The following NEDD4L variants were observed in gnomAD, a reference collection of about 807,000 sequenced individuals.
NEDD4L encodes NEDD4 like E3 ubiquitin protein ligase.
A neutral mutation model predicts 148.9 loss-of-function variants in NEDD4L; 54 were observed. The observed-to-expected ratio is 0.36, with a 90% CI of 0.29 to 0.45. The LOEUF (loss-of-function observed/expected upper bound fraction) is 0.45, where lower values mean the gene tolerates loss of function less well. NEDD4L is among the 20% of genes least tolerant of loss of function. The pLI, the probability that NEDD4L is intolerant of heterozygous loss-of-function variation, is 1.00. For synonymous variants in NEDD4L, 433 were observed against 440.7 expected (o/e 0.98, Z 0.22); for missense variants, 856 against 1,233.8 (o/e 0.69, Z 4.59).
At chr18:58,201,071 G>A (rs532070483) in intron 2 of NEDD4L, among the ~76,000 whole-genome samples, 4 of 152,282 alleles carry the variant, frequency 2.6e-5, no homozygotes, top group African/African-American at 9.6e-5. Context: ...ATTGGCTCAC[G>A]CCTGTAATCC....
chr18:58,293,440 T>C (rs1373718315), intron 5 of NEDD4L, among the ~76,000 whole-genome samples: 3 of 152,220 alleles, frequency 2.0e-5, no homozygotes, highest in African/African-American at 7.2e-5. Context: ...AGACATCAGC[T>C]GTTGGATATG....
chr18:58,170,217 A>T (rs2037396660), intron 2 of NEDD4L, among the ~76,000 whole-genome samples: 1 of 152,150 alleles, frequency 6.6e-6, no homozygotes, highest in South Asian at 2.1e-4. Flanking sequence ...GCATCTGCTC[A>T]CATCCTTTCT....
chr18:58,099,458 G>A (rs2084625430), intron 1 of NEDD4L, among the ~76,000 whole-genome samples: 1 of 152,130 alleles, frequency 6.6e-6, no homozygotes, highest in Non-Finnish European at 1.5e-5. Flanking sequence ...GGGAAAATAG[G>A]CAGGTTTGGG....
chr18:58,111,183 T>C (rs1307805913), intron 1 of NEDD4L, among the ~76,000 whole-genome samples: 2 of 152,312 alleles, frequency 1.3e-5, no homozygotes, highest in Middle Eastern at 3.4e-3. Context: ...TTCTCCTGGC[T>C]CAGCCTCCCA....
intron 5 of NEDD4L, among the ~76,000 whole-genome samples, chr18:58,276,769 A>T (rs898944880): frequency 6.6e-6 from 1 of 151,868 alleles, no homozygotes; most frequent in Non-Finnish European, 1.5e-5. Context: ...AAACTACTTA[A>T]GGAGGATTTT....
intron 5 of NEDD4L, among the ~76,000 whole-genome samples, chr18:58,280,136 G>C (rs573438615): frequency 5.3e-4 from 80 of 152,242 alleles, no homozygotes; most frequent in African/African-American, 1.8e-3. Context: ...TCAAACTCCT[G>C]GGCTCAAGTG....
At chr18:58,097,703 G>A (rs543910373) in intron 1 of NEDD4L, among the ~76,000 whole-genome samples, 46 of 152,266 alleles carry the variant, frequency 3.0e-4, no homozygotes, top group Admixed American at 1.8e-3. Flanking sequence ...GTTGCATGCC[G>A]GAGGGGACTT....
At chr18:58,149,301 C>G (rs1205678013) in intron 1 of NEDD4L, 1 of 1,109,218 alleles carries the variant, frequency 9.0e-7, no homozygotes, top group East Asian at 3.3e-5. Flanking sequence ...CATAAGACAC[C>G]TGTGATTTGA....
intron 22 of NEDD4L, 135 bp from the exon 23 acceptor site, chr18:58,370,262 A>G (rs981314850): frequency 5.3e-5 from 35 of 658,696 alleles, no homozygotes; most frequent in Non-Finnish European, 8.1e-5. Flanking sequence ...CGCTTGTGCA[A>G]TACTGTAGAA....
intron 3 of NEDD4L, among the ~76,000 whole-genome samples, chr18:58,246,405 C>T (rs2047267526): frequency 6.6e-6 from 1 of 152,030 alleles, no homozygotes; most frequent in African/African-American, 2.4e-5. Flanking sequence ...ATCTTATTTT[C>T]CTAATTTTTA....
intron 5 of NEDD4L, among the ~76,000 whole-genome samples, chr18:58,300,284 T>A (rs914822623): frequency 6.6e-6 from 1 of 152,210 alleles, no homozygotes; most frequent in African/African-American, 2.4e-5. Context: ...AGTTGTTGAT[T>A]TATAGCTTAA....
chr18:58,355,683 A>G (rs972358907), intron 18 of NEDD4L, among the ~76,000 whole-genome samples: 23 of 152,196 alleles, frequency 1.5e-4, no homozygotes, highest in African/African-American at 5.3e-4. Context: ...GTGAAAGGTA[A>G]GGGACCCAAA....
intron 8 of NEDD4L, among the ~76,000 whole-genome samples, chr18:58,324,399 G>A (rs938283197): frequency 2.0e-5 from 3 of 152,230 alleles, no homozygotes; most frequent in Non-Finnish European, 2.9e-5. Context: ...CTGAGTAGAA[G>A]GCAGCAGCTT....
At chr18:58,267,801 G>A (rs1349069624) in intron 5 of NEDD4L, among the ~76,000 whole-genome samples, 3 of 152,032 alleles carry the variant, frequency 2.0e-5, no homozygotes, top group East Asian at 1.9e-4. Flanking sequence ...ATTATAAGGC[G>A]TATTGTCCAT....
chr18:58,245,680 T>C (rs1013671617), intron 3 of NEDD4L, among the ~76,000 whole-genome samples, 172 bp downstream of exon 3: 1 of 134,746 alleles, frequency 7.4e-6, no homozygotes, highest in African/African-American at 2.8e-5. Flanking sequence ...TTCTCTTTTT[T>C]TTTTTTTTTT....
At chr18:58,198,125 T>TA (rs1185894688) in intron 2 of NEDD4L, among the ~76,000 whole-genome samples, 1 of 152,162 alleles carries the variant, frequency 6.6e-6, no homozygotes, top group Non-Finnish European at 1.5e-5. Context: ...CTGACCTAGA[T>TA]ATGTGATGGT....
At chr18:58,232,577 C>T (rs1046328498) in intron 2 of NEDD4L, among the ~76,000 whole-genome samples, 4 of 152,174 alleles carry the variant, frequency 2.6e-5, no homozygotes, top group African/African-American at 4.8e-5. Context: ...TCTGTGTAAC[C>T]GGAGAAAATA....
In NEDD4L at chr18:58,342,810, A is replaced by G. The variant is rs1414959010; in HGVS notation, c.1378-96A>G. The G allele has an allele frequency of 3.2e-6, 3 of 930,282 alleles. No individual in the cohort carries two copies. In the South Asian group the frequency reaches 9.3e-5, roughly 29 times the overall value. The allele number at this position is 930,282 out of a possible 1,614,324, so 57.6% of individuals were successfully genotyped here. On this transcript the variant is annotated intron_variant, in intron 15 of 30. Coordinates refer to ENST00000400345, the MANE Select transcript of NEDD4L (RefSeq NM_001144967.3). ...GTTTTGGGGATCTTCCCTCTTGTCCATCTCCAAAGAGAAGCCTTCTGCAAT... is the reference window on the plus strand; with the variant it reads ...GTTTTGGGGATCTTCCCTCTTGTCCGTCTCCAAAGAGAAGCCTTCTGCAAT...
intron 1 of NEDD4L, among the ~76,000 whole-genome samples, chr18:58,142,871 G>A (rs904133354): frequency 1.3e-5 from 2 of 152,012 alleles, no homozygotes; most frequent in Non-Finnish European, 2.9e-5. Flanking sequence ...AATATTAAGG[G>A]TCTTTATCTC....
Sources: allele counts gnomAD v4.1 joint callset (sites outside exome capture counted in the v4.1 genomes callset), GRCh38; gene constraint gnomAD v4.1.1; transcripts MANE v1.5; gene names NCBI Gene and HGNC (gene_info 2026-07-23, HGNC 2026-07-21).